MKLN1: variants seen among roughly 807,000 people sequenced by gnomAD.
MKLN1 encodes the protein muskelin.
Under a neutral mutation model 99.0 loss-of-function variants are expected in MKLN1, and 18 were observed. That is an observed-to-expected ratio of 0.18 (90% CI 0.13 to 0.27). The LOEUF is 0.27. Among genes scored for constraint, MKLN1 ranks in the 10% least tolerant of loss-of-function variants. MKLN1 has a pLI of 1.00. For synonymous variants in MKLN1, 288 were observed against 293.2 expected (o/e 0.98, Z 0.18); for missense variants, 621 against 875.9 (o/e 0.71, Z 3.67).
chr7:131,483,141 G>A (rs1397802461), intron 17 of MKLN1, among the ~76,000 whole-genome samples: 2 of 152,152 alleles, frequency 1.3e-5, no homozygotes, highest in African/African-American at 4.8e-5. Flanking sequence ...GTGATTAGGA[G>A]CATGAGGTTT....
intron 16 of MKLN1, chr7:131,471,185 T>C: frequency 3.0e-6 from 1 of 329,494 alleles, no homozygotes. Context: ...AGGTATAAAG[T>C]TTTAACTTAG....
intron 2 of MKLN1, among the ~76,000 whole-genome samples, chr7:131,143,207 G>T (rs904782483): frequency 6.6e-6 from 1 of 152,184 alleles, no homozygotes; most frequent in Non-Finnish European, 1.5e-5. Flanking sequence ...AGTGGCTCAT[G>T]TCTGTAATCC....
chr7:131,388,036 G>A (rs928072081), intron 3 of MKLN1, among the ~76,000 whole-genome samples: 29 of 152,148 alleles, frequency 1.9e-4, no homozygotes, highest in African/African-American at 6.5e-4. Flanking sequence ...ACATGGTAGC[G>A]GACGACTGTA....
intron 3 of MKLN1, among the ~76,000 whole-genome samples, chr7:131,274,591 C>A (rs1481296100): frequency 6.7e-6 from 1 of 148,486 alleles, no homozygotes; most frequent in Non-Finnish European, 1.5e-5. Context: ...CTGCAGTGAA[C>A]CATGATTGCA....
upstream of MKLN1, among the ~76,000 whole-genome samples, chr7:131,324,866 C>G (rs1798852607): frequency 6.6e-6 from 1 of 152,138 alleles, no homozygotes; most frequent in Non-Finnish European, 1.5e-5. Flanking sequence ...AACATTTAAA[C>G]AAATTTTCGT....
chr7:131,351,173 AG>A (rs1222859343), intron 1 of MKLN1, among the ~76,000 whole-genome samples: 1 of 151,958 alleles, frequency 6.6e-6, no homozygotes, highest in African/African-American at 2.4e-5. Context: ...GCTTGAGTCC[AG>A]GAGGTCGAGG....
chr7:131,152,915 A>G (rs529864551), intron 2 of MKLN1, among the ~76,000 whole-genome samples: 1 of 152,058 alleles, frequency 6.6e-6, no homozygotes, highest in East Asian at 1.9e-4. Flanking sequence ...TTGTTGCAAA[A>G]ACCAAGTTGT....
chr7:131,301,364 A>G (rs1228871092), intron 3 of MKLN1, among the ~76,000 whole-genome samples: 1 of 152,234 alleles, frequency 6.6e-6, no homozygotes, highest in Non-Finnish European at 1.5e-5. Context: ...AGTAACTGGC[A>G]TAGCTGTGAA....
chr7:131,173,968 C>CTTTTTT lies in MKLN1; in HGVS notation c.-296-28884_-296-28883insTTTTTT, dbSNP rs796102760. On this transcript the variant is annotated intron_variant, in intron 2 of 7. Transcript: ENST00000416992. ...TTCTCCAGAGTTTAAAGACCTTTTT[C>CTTTTTT]TTTTTCTTTTTTTTTTTTTTTTGAG... is the stretch of plus-strand genomic sequence containing the variant. 7.1e-3 allele frequency among the ~76,000 whole-genome samples: 838 copies of CTTTTTT among 118,424 alleles called. 57 individuals carry two copies. The highest frequency in any genetic ancestry group is 0.012 in the African/African-American group (402 of 32,796). 77.7% of individuals were successfully genotyped at this position (118,424 alleles called of 152,430 possible).
At chr7:131,133,931 G>A (rs1795607549) in intron 1 of MKLN1, among the ~76,000 whole-genome samples, 1 of 141,686 alleles carries the variant, frequency 7.1e-6, no homozygotes, top group Non-Finnish European at 1.5e-5. Flanking sequence ...CCAGGTTCAA[G>A]CGATTCTCCT....
chr7:131,290,069 G>A (rs995395641), intron 3 of MKLN1, among the ~76,000 whole-genome samples: 1 of 152,192 alleles, frequency 6.6e-6, no homozygotes, highest in African/African-American at 2.4e-5. Context: ...ACTTTGGGAG[G>A]CCAAGGCAGG....
At chr7:131,438,382 G>T (rs984606719) in intron 10 of MKLN1, among the ~76,000 whole-genome samples, 1 of 150,534 alleles carries the variant, frequency 6.6e-6, no homozygotes. Flanking sequence ...AATGAACTAG[G>T]TGAAATCTAG....
chr7:131,487,813 C>A lies in MKLN1; in HGVS notation c.*85C>A. The A allele has an allele frequency of 1.3e-6, 2 of 1,496,760 alleles. No individual in the cohort carries two copies. Among genetic ancestry groups the A allele is most frequent in the Non-Finnish European group, 1.8e-6 (2 of 1,102,308 alleles). The allele number at this position is 1,496,760 out of a possible 1,614,324, so 92.7% of individuals were successfully genotyped here. A position where few individuals can be genotyped will look rare whatever the true frequency, so the allele number is the denominator to read the frequency against. Reference sequence around the variant, plus strand: ...GCAGCTCCACTGACTGACAGTAAAGCTGCAGTGATTGAGGACTGCACCAGA... The same window carrying A: ...GCAGCTCCACTGACTGACAGTAAAGATGCAGTGATTGAGGACTGCACCAGA... On this transcript the variant is annotated 3_prime_UTR_variant, in exon 18 of 18. Transcript: ENST00000352689. The surrounding 1 kb of genome is among the most constrained non-coding windows in gnomAD (Gnocchi z 4.7).
intron 8 of MKLN1, among the ~76,000 whole-genome samples, chr7:131,423,009 C>CGAAAAAAGTGGGAAAAA (rs1795252894): frequency 3.9e-5 from 6 of 152,124 alleles, no homozygotes; most frequent in Non-Finnish European, 5.9e-5. Flanking sequence ...GGGAAAAGAA[C>CGAAAAAAGTGGGAAAAA]AGTGAATAGA....
At chr7:131,370,701 C>A (rs758027193) in intron 1 of MKLN1, among the ~76,000 whole-genome samples, 5 of 152,184 alleles carry the variant, frequency 3.3e-5, no homozygotes, top group African/African-American at 1.2e-4. Flanking sequence ...GTTCTTCTCA[C>A]CTTTAGGGCA....
At chr7:131,282,264 G>A (rs1049594782) in intron 3 of MKLN1, among the ~76,000 whole-genome samples, 3 of 150,520 alleles carry the variant, frequency 2.0e-5, no homozygotes, top group East Asian at 2.0e-4. Flanking sequence ...CAGGAGAATC[G>A]CTTGAACCCG....
Position 131,133,819 on chromosome 7 carries a change from G to GTTTTTTTTTTTTTTTTTT in MKLN1, c.-418-9001_-418-9000insTTTTTTTTTTTTTTTTTT, listed in dbSNP as rs1563226557. ...ACTTCTTTTTTTTTTTTTTTAATTTGGTTTTTTTTTTTTTTTTTTTTTTTT... is the reference window on the plus strand; with the variant it reads ...ACTTCTTTTTTTTTTTTTTTAATTTGTTTTTTTTTTTTTTTTTTGTTTTTTTTTTTTTTTTTTTTTTTT... On this transcript the variant is annotated intron_variant, in intron 1 of 7. Coordinates refer to the MKLN1 transcript ENST00000416992. 8.9e-5 allele frequency among the ~76,000 whole-genome samples: 6 copies of GTTTTTTTTTTTTTTTTTT among 67,240 alleles called. 2 individuals are homozygous for GTTTTTTTTTTTTTTTTTT. Among genetic ancestry groups the GTTTTTTTTTTTTTTTTTT allele is most frequent in the Non-Finnish European group, 1.6e-4 (5 of 32,210 alleles). 44.1% of individuals were successfully genotyped at this position (67,240 alleles called of 152,430 possible). A position where few individuals can be genotyped will look rare whatever the true frequency, so the allele number is the denominator to read the frequency against.
chr7:131,192,505 C>CATATAAATATAAATATTTACATAT (rs1796582010), intron 2 of MKLN1, among the ~76,000 whole-genome samples: 1 of 120,132 alleles, frequency 8.3e-6, no homozygotes, highest in Non-Finnish European at 1.7e-5. Flanking sequence ...AATATATACA[C>CATATAAATATAAATATTTACATAT]ATATAAATAT....
At chr7:131,132,156 A>G (rs1795561307) in intron 1 of MKLN1, among the ~76,000 whole-genome samples, 2 of 152,242 alleles carry the variant, frequency 1.3e-5, no homozygotes, top group Non-Finnish European at 2.9e-5. Flanking sequence ...AAGACATAGT[A>G]TATCAACATT....
Sources: allele counts gnomAD v4.1 joint callset (sites outside exome capture counted in the v4.1 genomes callset), GRCh38; gene constraint gnomAD v4.1.1; non-coding constraint Gnocchi (gnomAD v3.1); transcripts MANE v1.5; gene names NCBI Gene and HGNC (gene_info 2026-07-23, HGNC 2026-07-21).